TULP4: variants seen among roughly 807,000 people sequenced by gnomAD.
TULP4 encodes the protein tubby-related protein 4.
In TULP4, 16 loss-of-function variants were observed where a neutral mutation model predicts 129.0. The ratio of observed to expected loss-of-function variants is 0.12; its 90% CI spans 0.08 to 0.19. The LOEUF (loss-of-function observed/expected upper bound fraction) is 0.19, where lower values mean the gene tolerates loss of function less well. Ranked by LOEUF, TULP4 falls within the 10% of genes least tolerant of loss-of-function variation. The pLI is 1.00. For synonymous variants in TULP4, 998 were observed against 854.0 expected, an observed-to-expected ratio of 1.17 and a Z score of -2.94; for missense variants, 1,842 against 2,059.1, an observed-to-expected ratio of 0.89 and a Z score of 2.04.
chr6:158,442,292 T>C (rs547680574), intron 3 of TULP4, among the ~76,000 whole-genome samples: 1 of 152,124 alleles, frequency 6.6e-6, no homozygotes, highest in Non-Finnish European at 1.5e-5. Context: ...TGTTTAGAAA[T>C]ATATTTCAGT....
chr6:158,240,498 A>G lies in TULP4; in HGVS notation n.68+8195A>G, dbSNP rs866976734. On this transcript the variant is annotated intron_variant and non_coding_transcript_variant, in intron 1 of 1. Coordinates refer to the TULP4 transcript ENST00000620026. ...TGACCCCCCCACCTCCCTCCCGGAC[A>G]GGGCGGCTGGCCGGGCGGGGGGCTG... 5.8e-4 allele frequency among the ~76,000 whole-genome samples: 30 copies of G among 51,446 alleles called. 1 individual carries two copies. Among genetic ancestry groups the G allele is most frequent in the East Asian group, 1.7e-3 (2 of 1,146 alleles). 33.8% of individuals were successfully genotyped at this position (51,446 alleles called of 152,430 possible).
At chr6:158,477,559 G>A (rs585350) in intron 6 of TULP4, among the ~76,000 whole-genome samples, 90,947 of 152,028 alleles carry the variant, frequency 0.6, 27,812 homozygotes, top group African/African-American at 0.73. Flanking sequence ...CAAAACCACA[G>A]TGAGATACTA....
At chr6:158,266,688 G>T (rs1219911435) in intron 1 of TULP4, among the ~76,000 whole-genome samples, 1 of 152,208 alleles carries the variant, frequency 6.6e-6, no homozygotes, top group Non-Finnish European at 1.5e-5. Context: ...CATTTACGTT[G>T]TATTAGGTAA....
At chr6:158,293,544 C>G (rs369638862) in intron 1 of TULP4, among the ~76,000 whole-genome samples, 4 of 152,170 alleles carry the variant, frequency 2.6e-5, no homozygotes, top group African/African-American at 9.7e-5. Context: ...ATTACCTCTA[C>G]CACAGGCAGA....
chr6:158,431,961 C>T (rs1233998904), intron 3 of TULP4, among the ~76,000 whole-genome samples: 1 of 151,714 alleles, frequency 6.6e-6, no homozygotes, highest in Admixed American at 6.6e-5. Flanking sequence ...AGGAAAGCGC[C>T]CCCACTGCCT....
rs531701381 is a variant in TULP4, at chr6:158,314,235, G to A, written c.219G>A (p.Arg73=). ...GCAGGGACAGGAGTACTCCACAGAG[G>A]ATAAATTTCAACCTCCGGGGCCACA... ...HCRRDRSTPQ[R]INFNLRGHNS... Residue 73 remains arginine (R), a synonymous_variant, in exon 1 of 14, where the codon AGG becomes AGA. Coordinates refer to ENST00000367097, the MANE Select transcript of TULP4 (RefSeq NM_020245.5). The A allele has an allele frequency of 8.2e-5, 133 of 1,614,056 alleles. 1 individual carries two copies. In the South Asian group the frequency reaches 1.1e-3, roughly 14 times the overall value.
At chr6:158,247,947 T>C (rs551863680) in intron 1 of TULP4, among the ~76,000 whole-genome samples, 4 of 152,268 alleles carry the variant, frequency 2.6e-5, no homozygotes, top group African/African-American at 7.2e-5. Flanking sequence ...ATGACCCTCT[T>C]AGCCACAAAA....
intron 5 of TULP4, among the ~76,000 whole-genome samples, chr6:158,457,046 A>G (rs899704662): frequency 6.6e-6 from 1 of 152,168 alleles, no homozygotes; most frequent in Non-Finnish European, 1.5e-5. Flanking sequence ...ATGTTGGTAA[A>G]TACTGGGATG....
At chr6:158,406,916 A>C (rs1445786769) in intron 1 of TULP4, among the ~76,000 whole-genome samples, 5 of 152,246 alleles carry the variant, frequency 3.3e-5, no homozygotes, top group African/African-American at 1.2e-4. Flanking sequence ...CCCCCAGCAC[A>C]TGCAGGTTCA....
At chr6:158,246,679 A>G (rs1347164184) in intron 1 of TULP4, among the ~76,000 whole-genome samples, 2 of 152,198 alleles carry the variant, frequency 1.3e-5, no homozygotes, top group Admixed American at 6.5e-5. Context: ...ATTGGTGAAA[A>G]TTAAAATTTT....
chr6:158,429,264 A>C (rs1486361464), intron 2 of TULP4, among the ~76,000 whole-genome samples: 1 of 152,210 alleles, frequency 6.6e-6, no homozygotes, highest in East Asian at 1.9e-4. Context: ...TCTGCCTCCC[A>C]AGTGGCTAGG....
At chr6:158,234,909 A>G (rs1208129520) in intron 1 of TULP4, among the ~76,000 whole-genome samples, 11 of 152,194 alleles carry the variant, frequency 7.2e-5, no homozygotes, top group East Asian at 3.8e-4. Context: ...GCTCCCGCCT[A>G]TAATCCCAGT....
chr6:158,361,077 C>T (rs1337604932), intron 1 of TULP4, among the ~76,000 whole-genome samples: 1 of 152,038 alleles, frequency 6.6e-6, no homozygotes, highest in Non-Finnish European at 1.5e-5. Context: ...AAAGTGATTG[C>T]TCTAAAGATT....
At chr6:158,255,394 G>A (rs1412632611) in intron 1 of TULP4, among the ~76,000 whole-genome samples, 1 of 152,162 alleles carries the variant, frequency 6.6e-6, no homozygotes, top group Non-Finnish European at 1.5e-5. Context: ...CCCTAGCACT[G>A]GGGTAAATCC....
intron 1 of TULP4, among the ~76,000 whole-genome samples, chr6:158,351,428 G>A (rs930198708): frequency 2.0e-5 from 3 of 152,222 alleles, no homozygotes; most frequent in Non-Finnish European, 2.9e-5. Context: ...TCAGCAACCC[G>A]TTTTTGCAAA....
intron 9 of TULP4, among the ~76,000 whole-genome samples, chr6:158,492,101 G>A (rs573509999): frequency 1.6e-4 from 25 of 152,178 alleles, no homozygotes; most frequent in African/African-American, 2.9e-4. Context: ...CTTGTGATCC[G>A]CCCGCCTTGG....
intron 6 of TULP4, among the ~76,000 whole-genome samples, chr6:158,465,595 T>C (rs1349561180): frequency 6.6e-6 from 1 of 152,194 alleles, no homozygotes; most frequent in Non-Finnish European, 1.5e-5. Flanking sequence ...AGCAGCTTGT[T>C]AACAGAAAGA....
chr6:158,410,951 C>T (rs1778085476), intron 1 of TULP4, among the ~76,000 whole-genome samples: 1 of 151,820 alleles, frequency 6.6e-6, no homozygotes, highest in South Asian at 2.1e-4. Context: ...TAATCGCGGT[C>T]CTTGGCACCT....
chr6:158,238,416 T>TG lies in TULP4; in HGVS notation n.68+6113_68+6114insG. ...TAGCAAGTAATGCCTTGTTAAATTG[T>TG]TTTTTTTTTTTTTTTTAAATTTATT... On this transcript the variant is annotated intron_variant and non_coding_transcript_variant, in intron 1 of 1. Transcript: ENST00000620026. 3.3e-4 allele frequency: 3 copies of TG among 8,976 alleles called. No homozygotes were observed. The East Asian group carries it at 8.5e-3, about 25-fold the overall frequency. 0.6% of individuals were successfully genotyped at this position (8,976 alleles called of 1,614,324 possible). A position where few individuals can be genotyped will look rare whatever the true frequency, so the allele number is the denominator to read the frequency against.
Sources: allele counts gnomAD v4.1 joint callset (sites outside exome capture counted in the v4.1 genomes callset), GRCh38; gene constraint gnomAD v4.1.1; transcripts MANE v1.5; gene names NCBI Gene and HGNC (gene_info 2026-07-23, HGNC 2026-07-21).